IPMK: variants seen among roughly 807,000 people sequenced by gnomAD.
IPMK encodes inositol 1,3,4,6-tetrakisphosphate 5-kinase.
In IPMK, 17 loss-of-function variants were observed where a neutral mutation model predicts 45.8. The observed-to-expected ratio is 0.37, with a 90% CI of 0.25 to 0.56. The LOEUF is 0.56. IPMK is among the 20% of genes least tolerant of loss of function. IPMK has a pLI of 0.79. For synonymous variants in IPMK, 180 were observed against 184.3 expected (o/e 0.98, Z 0.19); for missense variants, 399 against 498.0 (o/e 0.80, Z 1.89).
rs774794434 is a variant in IPMK at position 58,261,591 on chromosome 10, GTT to G, written c.190+5829_190+5830del. Among the ~76,000 whole-genome samples, 10 of 142,366 alleles carry G rather than the reference GTT, an allele frequency of 7.0e-5. No individual in the cohort carries two copies. In the South Asian group the frequency reaches 2.0e-3, roughly 29 times the overall value. 93.4% of individuals were successfully genotyped at this position (142,366 alleles called of 152,430 possible). The stretch of plus-strand genomic sequence containing the variant: ...AACCTAATCCAACTAACTTTTGTTT[GTT>G]TTTTTTTTTTTAGACAGTCTTGCTC... On this transcript the variant is annotated intron_variant, in intron 1 of 5. Transcript: ENST00000373935.
chr10:58,267,789 C>T lies in IPMK; in HGVS notation c.-178G>A. The T allele has an allele frequency of 3.6e-6, 2 of 552,300 alleles. No homozygotes were observed. The highest frequency in any genetic ancestry group is 6.4e-6 in the Non-Finnish European group (2 of 314,610). The allele number at this position is 552,300 out of a possible 1,614,324, so 34.2% of individuals were successfully genotyped here. ...CCATGACGCCGCCGGGGCGCGGGCGCTCCTCTGCCCAACTCTCGGCGGAAC... is the reference window on the plus strand; with the variant it reads ...CCATGACGCCGCCGGGGCGCGGGCGTTCCTCTGCCCAACTCTCGGCGGAAC... On this transcript the variant is annotated 5_prime_UTR_variant, in exon 1 of 6. Transcript: ENST00000373935.
At chr10:58,239,420 T>C (rs1838664105) in intron 1 of IPMK, among the ~76,000 whole-genome samples, 1 of 152,124 alleles carries the variant, frequency 6.6e-6, no homozygotes, top group African/African-American at 2.4e-5. Context: ...AAAATAAAAA[T>C]TGAACTTTCA....
chr10:58,197,322 A>AATAAATACATACATAC (rs1554822216), intron 5 of IPMK, among the ~76,000 whole-genome samples: 1 of 110,096 alleles, frequency 9.1e-6, no homozygotes, highest in Admixed American at 8.4e-5. Flanking sequence ...TAAATAAATA[A>AATAAATACATACATAC]ATAAATACAT....
At chr10:58,234,686 A>C (rs1016920133) in intron 2 of IPMK, among the ~76,000 whole-genome samples, 17 of 152,230 alleles carry the variant, frequency 1.1e-4, no homozygotes, top group Non-Finnish European at 2.5e-4. Context: ...TAAAAACTTA[A>C]ATGTTAGACC....
At chr10:58,242,696 A>C (rs546692863) in intron 1 of IPMK, among the ~76,000 whole-genome samples, 1 of 152,186 alleles carries the variant, frequency 6.6e-6, no homozygotes, top group Non-Finnish European at 1.5e-5. Context: ...AAAAGGAAGG[A>C]GAAATCAGAA....
At position 58,219,450 on chromosome 10, in the gene IPMK, C is replaced by A. The variant is rs371422509; in HGVS notation, c.374-3133G>T. Among the ~76,000 whole-genome samples the A allele has an allele frequency of 1.2e-4, 18 of 152,134 alleles. No individual in the cohort carries two copies. The East Asian group carries it at 1.9e-3, about 16-fold the overall frequency. ...AGAAATAAATCTGATTATTAATTCA[C>A]CCTGAAAAATGCTATTAGCAAATTC... On this transcript the variant is annotated intron_variant, in intron 3 of 5. Transcript: ENST00000373935.
chr10:58,267,669 G>A lies in IPMK; in HGVS notation c.-58C>T. On this transcript the variant is annotated 5_prime_UTR_variant, in exon 1 of 6. Transcript: ENST00000373935. ...GTAGGAAAAAAAATAGGGCGAGGGA[G>A]GGGGCGCCGGAGAACCCGAGGGTCG... 1 of 1,116,290 alleles carries A rather than the reference G, an allele frequency of 9.0e-7. No homozygotes were observed. The highest frequency in any genetic ancestry group is 1.3e-6 in the Non-Finnish European group (1 of 756,712). 69.1% of individuals were successfully genotyped at this position (1,116,290 alleles called of 1,614,324 possible).
chr10:58,241,588 A>T (rs1332693157), intron 1 of IPMK, among the ~76,000 whole-genome samples: 1 of 152,080 alleles, frequency 6.6e-6, no homozygotes, highest in African/African-American at 2.4e-5. Context: ...AAACCACAGA[A>T]ATTTATTTTT....
chr10:58,254,654 G>A (rs974307888), intron 1 of IPMK, among the ~76,000 whole-genome samples: 4 of 152,216 alleles, frequency 2.6e-5, no homozygotes, highest in Admixed American at 6.5e-5. Flanking sequence ...TGAAGAGACA[G>A]TTACCTCTTC....
chr10:58,233,127 G>A (rs1056483925), intron 2 of IPMK, among the ~76,000 whole-genome samples: 1 of 152,274 alleles, frequency 6.6e-6, no homozygotes, highest in African/African-American at 2.4e-5. Context: ...CTAGGAAGAC[G>A]TTGCACCTCT....
At chr10:58,265,877 G>C (rs914224246) in intron 1 of IPMK, among the ~76,000 whole-genome samples, 1 of 152,116 alleles carries the variant, frequency 6.6e-6, no homozygotes, top group Non-Finnish European at 1.5e-5. Context: ...TTTTTATGTT[G>C]AGATTTTTAA....
At chr10:58,256,221 T>C (rs573231452) in intron 1 of IPMK, among the ~76,000 whole-genome samples, 1 of 152,226 alleles carries the variant, frequency 6.6e-6, no homozygotes, top group South Asian at 2.1e-4. Flanking sequence ...AGAAAGCAAA[T>C]AGGAGAAATA....
At chr10:58,206,170 G>A (rs1054033599) in intron 4 of IPMK, among the ~76,000 whole-genome samples, 7 of 152,032 alleles carry the variant, frequency 4.6e-5, no homozygotes, top group African/African-American at 1.2e-4. Context: ...TTAAAAACAC[G>A]AAACTAAATC....
At chr10:58,197,958 G>A (rs1276505803) in intron 5 of IPMK, among the ~76,000 whole-genome samples, 1 of 127,908 alleles carries the variant, frequency 7.8e-6, no homozygotes, top group Non-Finnish European at 1.6e-5. Flanking sequence ...GAACCTGGGA[G>A]GTTAGAGGTT....
chr10:58,266,991 A>G (rs1158258055), intron 1 of IPMK, among the ~76,000 whole-genome samples: 1 of 152,252 alleles, frequency 6.6e-6, no homozygotes, highest in East Asian at 1.9e-4. Context: ...CACCCAGCAG[A>G]GAAGTACTAG....
At chr10:58,217,228 T>C (rs375273616) in intron 3 of IPMK, among the ~76,000 whole-genome samples, 6 of 149,714 alleles carry the variant, frequency 4.0e-5, no homozygotes, top group African/African-American at 1.2e-4. Context: ...GCTGGCATCC[T>C]GCACACATCT....
At chr10:58,222,964 A>G (rs139371301) in intron 3 of IPMK, among the ~76,000 whole-genome samples, 12 of 152,350 alleles carry the variant, frequency 7.9e-5, no homozygotes, top group Non-Finnish European at 2.9e-5. Flanking sequence ...GCAAAGGCAT[A>G]AGAACAATAC....
intron 1 of IPMK, among the ~76,000 whole-genome samples, chr10:58,240,624 C>T (rs1393250825): frequency 1.4e-5 from 2 of 142,046 alleles, no homozygotes; most frequent in Non-Finnish European, 3.0e-5. Flanking sequence ...TAATAACCAA[C>T]AGACTTGAAA....
intron 1 of IPMK, among the ~76,000 whole-genome samples, chr10:58,253,784 T>C (rs921550657): frequency 4.0e-5 from 6 of 151,582 alleles, no homozygotes; most frequent in Non-Finnish European, 8.8e-5. Flanking sequence ...AAAATAGCTT[T>C]ACTGGGTACA....
Sources: gnomAD v4.1 joint callset for allele counts (sites outside exome capture counted in the v4.1 genomes callset) on GRCh38, gnomAD v4.1.1 for gene constraint, MANE v1.5 for transcripts, NCBI Gene and HGNC (gene_info 2026-07-23, HGNC 2026-07-21) for gene names.